The following MAST4 variants were observed in gnomAD, a reference collection of about 807,000 sequenced individuals.
The protein encoded by MAST4 is microtubule associated serine/threonine kinase family member 4.
A neutral mutation model predicts 162.7 loss-of-function variants in MAST4; 89 were observed. The ratio of observed to expected loss-of-function variants is 0.55; its 90% CI spans 0.46 to 0.65. MAST4 has a LOEUF of 0.65. MAST4 is among the 30% of genes least tolerant of loss of function. The pLI, the probability that MAST4 is intolerant of heterozygous loss-of-function variation, is 0.00. For missense variants in MAST4, 3,153 were observed against 3,374.0 expected (o/e 0.93, Z 1.62); for synonymous variants, 1,479 against 1,361.1 (o/e 1.09, Z -1.91).
intron 1 of MAST4, among the ~76,000 whole-genome samples, chr5:66,727,169 T>C (rs77409475): frequency 0.015 from 2,305 of 152,164 alleles, 67 homozygotes; most frequent in African/African-American, 0.053. Context: ...TAGTGAAAAA[T>C]ACATTTATAT....
At chr5:66,779,543 G>C (rs953887025) in intron 2 of MAST4, among the ~76,000 whole-genome samples, 1 of 152,082 alleles carries the variant, frequency 6.6e-6, no homozygotes, top group African/African-American at 2.4e-5. Context: ...CATTGTTGAT[G>C]CTGTCTGGGT....
intron 1 of MAST4, among the ~76,000 whole-genome samples, chr5:66,686,769 T>C (rs1748687660): frequency 6.6e-6 from 1 of 152,170 alleles, no homozygotes; most frequent in Admixed American, 6.5e-5. Context: ...CACCCCACTA[T>C]CTTGTAAGAG....
chr5:67,003,496 C>A (rs1751525218), intron 4 of MAST4, among the ~76,000 whole-genome samples: 1 of 152,150 alleles, frequency 6.6e-6, no homozygotes, highest in Non-Finnish European at 1.5e-5. Flanking sequence ...CTTTATCCTC[C>A]CATTTTTGTA....
chr5:66,772,491 G>A (rs528220059), intron 2 of MAST4, among the ~76,000 whole-genome samples: 5 of 152,298 alleles, frequency 3.3e-5, no homozygotes, highest in South Asian at 4.2e-4. Context: ...CTAACTGCTC[G>A]TGTACTGGAA....
chr5:67,133,952 C>T (rs1048148468), intron 17 of MAST4, among the ~76,000 whole-genome samples: 1 of 152,134 alleles, frequency 6.6e-6, no homozygotes. Flanking sequence ...ATTCAGGAGT[C>T]TCAGTAGAGT....
intron 3 of MAST4, among the ~76,000 whole-genome samples, chr5:66,818,137 G>C (rs1217125160): frequency 6.6e-6 from 1 of 152,116 alleles, no homozygotes; most frequent in Non-Finnish European, 1.5e-5. Context: ...ATAAATCATT[G>C]CTCATTTAAA....
intron 21 of MAST4, among the ~76,000 whole-genome samples, chr5:67,143,446 A>T (rs1770669029): frequency 6.6e-6 from 1 of 152,144 alleles, no homozygotes; most frequent in Non-Finnish European, 1.5e-5. Flanking sequence ...AAGAAAACTG[A>T]TAGTACTGAG....
At chr5:67,006,500 T>C (rs1298560924) in intron 4 of MAST4, among the ~76,000 whole-genome samples, 1 of 152,234 alleles carries the variant, frequency 6.6e-6, no homozygotes, top group Non-Finnish European at 1.5e-5. Flanking sequence ...ATAATTCGTA[T>C]GATTTCTTAC....
At chr5:66,851,965 A>G (rs1323634981) in intron 3 of MAST4, among the ~76,000 whole-genome samples, 1 of 152,202 alleles carries the variant, frequency 6.6e-6, no homozygotes, top group Non-Finnish European at 1.5e-5. Context: ...CTAAACTCCC[A>G]GTATATTTAA....
intron 14 of MAST4, among the ~76,000 whole-genome samples, chr5:67,124,406 T>C (rs10067063): frequency 0.39 from 59,818 of 152,004 alleles, 15,087 homozygotes; most frequent in African/African-American, 0.72. Flanking sequence ...TCAGAGCTCT[T>C]CTTGTTTCTC....
At position 66,693,510 on chromosome 5, in the gene MAST4, C is replaced by G. The variant is rs139540366; in HGVS notation, c.364-66199C>G. On this transcript the variant is annotated intron_variant, in intron 1 of 28. Transcript: ENST00000403625. ...TCACCACAAGAAAATGAAAGAAATG[C>G]ATTTGCCACAATTCGCTAACAAGAT... Among the ~76,000 whole-genome samples, 17 of 152,222 alleles carry G rather than the reference C, an allele frequency of 1.1e-4. No homozygotes were observed. In the East Asian group the frequency reaches 2.9e-3, roughly 26 times the overall value.
At chr5:66,797,700 G>C (rs546736401) in intron 3 of MAST4, among the ~76,000 whole-genome samples, 26 of 152,298 alleles carry the variant, frequency 1.7e-4, no homozygotes, top group Admixed American at 1.1e-3. Flanking sequence ...GCAGAAGAAA[G>C]ACTTGACCTG....
intron 3 of MAST4, among the ~76,000 whole-genome samples, chr5:66,877,934 C>T (rs1333025752): frequency 6.6e-6 from 1 of 152,196 alleles, no homozygotes; most frequent in Admixed American, 6.5e-5. Flanking sequence ...ATCAGGCGTT[C>T]CTAAGGCATA....
At chr5:66,973,652 A>C (rs1284005052) in intron 4 of MAST4, among the ~76,000 whole-genome samples, 1 of 152,052 alleles carries the variant, frequency 6.6e-6, no homozygotes, top group Non-Finnish European at 1.5e-5. Context: ...TCACAACAAG[A>C]TTTCACCCAG....
At chr5:67,096,352 G>A (rs1359151558) in intron 7 of MAST4, among the ~76,000 whole-genome samples, 5 of 152,074 alleles carry the variant, frequency 3.3e-5, no homozygotes, top group Non-Finnish European at 7.4e-5. Context: ...GTGATCATGT[G>A]GGATAACTGT....
intron 3 of MAST4, among the ~76,000 whole-genome samples, chr5:66,860,680 T>C (rs544958406): frequency 6.6e-6 from 1 of 150,980 alleles, no homozygotes; most frequent in South Asian, 2.1e-4. Context: ...CCTGTGCTTC[T>C]ATCTTTCTGT....
chr5:67,133,582 G>A lies in MAST4; in HGVS notation c.2162G>A (p.Ser721Asn), dbSNP rs749057256. The change falls in exon 17 of 29, where the codon AGC (serine) becomes AAC (asparagine). Residue 721 changes from serine to asparagine, a missense_variant. By Grantham distance (46) the Ser-to-Asn change is conservative. Transcript: ENST00000403625. ...GGATTATCTAAGGTGGGACTAATGA[G>A]CATGACTACCAACCTTTACGAGGGT... The part of the protein sequence containing the change: ...DFGLSKVGLM[S>N]MTTNLYEGHI... 3.1e-6 allele frequency: 5 copies of A among 1,613,370 alleles called. No homozygotes were observed. In the South Asian group the frequency reaches 3.3e-5, roughly 11 times the overall value.
At chr5:66,890,662 G>T (rs960266122) in intron 3 of MAST4, among the ~76,000 whole-genome samples, 11 of 152,192 alleles carry the variant, frequency 7.2e-5, no homozygotes, top group Admixed American at 1.3e-4. Flanking sequence ...AATTGACAGT[G>T]TGTTACCAAC....
At chr5:66,659,052 G>T (rs1041674868) in intron 1 of MAST4, among the ~76,000 whole-genome samples, 2 of 152,074 alleles carry the variant, frequency 1.3e-5, no homozygotes, top group African/African-American at 4.8e-5. Context: ...TCTCACAACA[G>T]CTTGCAAGGT....
Sources: allele counts gnomAD v4.1 joint callset (sites outside exome capture counted in the v4.1 genomes callset), GRCh38; gene constraint gnomAD v4.1.1; transcripts MANE v1.5; gene names NCBI Gene and HGNC (gene_info 2026-07-23, HGNC 2026-07-21).